ADAM2: variants seen among roughly 807,000 people sequenced by gnomAD.
ADAM2 encodes the protein ADAM metallopeptidase domain 2, also known as disintegrin and metalloproteinase domain-containing protein 2.
In ADAM2, 101 loss-of-function variants were observed where a neutral mutation model predicts 99.3. That is an observed-to-expected ratio of 1.02 (90% CI 0.87 to 1.20). The LOEUF is 1.20. Ranked by LOEUF, ADAM2 falls within the 50% of genes most tolerant of loss-of-function variation. The pLI is 0.00. For synonymous variants in ADAM2, 323 were observed against 287.6 expected (o/e 1.12, Z -1.25); for missense variants, 948 against 878.7 (o/e 1.08, Z -1.00).
At chr8:39,809,360 A>C (rs1239260443) in intron 7 of ADAM2, 50 bp downstream of exon 7, 1 of 766,902 alleles carries the variant, frequency 1.3e-6, no homozygotes, top group Non-Finnish European at 2.2e-6. Flanking sequence ...TATTATTACA[A>C]TCCCTCATTG....
intron 4 of ADAM2, among the ~76,000 whole-genome samples, chr8:39,822,967 C>T (rs1255382607): frequency 6.6e-6 from 1 of 152,060 alleles, no homozygotes; most frequent in Non-Finnish European, 1.5e-5. Flanking sequence ...CGGGGTTTCA[C>T]CATTTTGGTC....
At chr8:39,792,593 G>C (rs1803766465) in intron 7 of ADAM2, among the ~76,000 whole-genome samples, 1 of 152,004 alleles carries the variant, frequency 6.6e-6, no homozygotes, top group Admixed American at 6.6e-5. Flanking sequence ...AAATCAATCA[G>C]ATGTGCTTCT....
Position 39,786,976 on chromosome 8 carries a change from GAAC to G in ADAM2, c.886_888del (p.Val296del), listed in dbSNP as rs766411127. On this transcript the variant is annotated inframe_deletion, in exon 10 of 21. Coordinates refer to ENST00000265708, the MANE Select transcript of ADAM2 (RefSeq NM_001464.5). ...TTCTATACATAACCATACCATACCA[GAAC>G]AACACCTCCTGCATAGTTTGCATCA... is the stretch of plus-strand genomic sequence containing the variant. 3 of 1,586,260 alleles carry G rather than the reference GAAC, an allele frequency of 1.9e-6. No individual in the cohort carries two copies. The highest frequency in any genetic ancestry group is 2.3e-5 in the South Asian group (2 of 85,868).
At chr8:39,745,369 A>T (rs1287524769) in intron 19 of ADAM2, among the ~76,000 whole-genome samples, 1 of 152,176 alleles carries the variant, frequency 6.6e-6, no homozygotes, top group Non-Finnish European at 1.5e-5. Context: ...CAGCAATTTC[A>T]AATCAACTTT....
At position 39,824,766 on chromosome 8, in the gene ADAM2, G is replaced by A. The variant is rs886357087; in HGVS notation, c.267+53C>T. On this transcript the variant is annotated intron_variant, in intron 4 of 20. Transcript: ENST00000265708. ...CTAATAACATGTGGACACTAAATAA[G>A]GTGATCATAGACACTCACATGACAA... The A allele has an allele frequency of 8.7e-6, 8 of 917,180 alleles. No individual in the cohort carries two copies. In the Admixed American group the frequency reaches 1.4e-4, roughly 16 times the overall value. The allele number at this position is 917,180 out of a possible 1,614,324, so 56.8% of individuals were successfully genotyped here.
At chr8:39,814,121 G>T (rs928782133) in intron 6 of ADAM2, among the ~76,000 whole-genome samples, 1 of 152,002 alleles carries the variant, frequency 6.6e-6, no homozygotes, top group Non-Finnish European at 1.5e-5. Flanking sequence ...ACTTTGGGAG[G>T]CCGAGGTGGG....
chr8:39,830,879 C>A (rs1211920960), intron 3 of ADAM2, among the ~76,000 whole-genome samples: 1 of 152,052 alleles, frequency 6.6e-6, no homozygotes, highest in Non-Finnish European at 1.5e-5. Context: ...GGAGGTGATA[C>A]TTTAGAGAGA....
At chr8:39,752,634 G>A (rs1314481878) in intron 16 of ADAM2, among the ~76,000 whole-genome samples, 1 of 152,108 alleles carries the variant, frequency 6.6e-6, no homozygotes. Context: ...CAGACACCTG[G>A]GGCAAAAGAT....
intron 7 of ADAM2, among the ~76,000 whole-genome samples, chr8:39,795,088 A>C (rs1363133456): frequency 6.6e-6 from 1 of 152,164 alleles, no homozygotes. Flanking sequence ...ACACTTTTAA[A>C]GTTTTGCTAA....
chr8:39,836,867 T>G (rs1805845834), intron 2 of ADAM2, among the ~76,000 whole-genome samples: 1 of 152,074 alleles, frequency 6.6e-6, no homozygotes, highest in Non-Finnish European at 1.5e-5. Flanking sequence ...TCTAGAACAA[T>G]CAAGCCAATG....
intron 13 of ADAM2, 33 bp from the exon 14 acceptor site, chr8:39,767,076 G>A (rs770423422): frequency 6.2e-7 from 1 of 1,605,198 alleles, no homozygotes; most frequent in South Asian, 1.1e-5. Flanking sequence ...ATTGAATTAA[G>A]CAGAATGAGA....
Position 39,821,054 on chromosome 8 carries a change from TTA to T in ADAM2, c.459_460del (p.Tyr153Ter), listed in dbSNP as rs1354643995. On this transcript the variant is annotated stop_gained and frameshift_variant, in exon 6 of 21. Transcript: ENST00000265708. LOFTEE classifies it high-confidence loss of function. ...ATCTCTTGATTCAATATCCTTCTCA[TTA>T]TATAAGGAAACATCTGCTTTCTTAT... 1.2e-6 allele frequency: 2 copies of T among 1,604,266 alleles called. No homozygotes were observed. Among genetic ancestry groups the T allele is most frequent in the Non-Finnish European group, 1.7e-6 (2 of 1,172,860 alleles).
At chr8:39,756,671 C>T (rs540844262) in intron 15 of ADAM2, among the ~76,000 whole-genome samples, 1 of 152,264 alleles carries the variant, frequency 6.6e-6, no homozygotes, top group Non-Finnish European at 1.5e-5. Flanking sequence ...TTTCTATGGC[C>T]TGAACTTTTC....
chr8:39,744,632 C>CG (rs1204139614), intron 20 of ADAM2, among the ~76,000 whole-genome samples, 198 bp downstream of exon 20: 4 of 151,926 alleles, frequency 2.6e-5, no homozygotes, highest in Non-Finnish European at 4.4e-5. Context: ...CAGAACCTGT[C>CG]GGGGGTTGGG....
At chr8:39,748,943 C>T (rs1823587325) in intron 18 of ADAM2, among the ~76,000 whole-genome samples, 1 of 152,076 alleles carries the variant, frequency 6.6e-6, no homozygotes, top group Non-Finnish European at 1.5e-5. Context: ...AGTAATACCA[C>T]CTCTTTTTAT....
rs1803557403 is a variant in ADAM2 at position 39,788,203 on chromosome 8, A to G, written c.691T>C (p.Trp231Arg). The G allele has an allele frequency of 6.3e-7, 1 of 1,575,008 alleles. No individual in the cohort carries two copies. Among genetic ancestry groups the G allele is most frequent in the Non-Finnish European group, 8.7e-7 (1 of 1,154,568 alleles). The change falls in exon 9 of 21, where the codon TGG (tryptophan) becomes CGG (arginine). Residue 231 changes from tryptophan (W) to arginine (R), a missense_variant. Coordinates refer to ENST00000265708, the MANE Select transcript of ADAM2 (RefSeq NM_001464.5). ...GTTGCAATTTTATTTTCATCTATCC[A>G]AAGCTCCAATGAAGACAGAATAATT... ...ITIILSSLEL[W>R]IDENKIATTG...
chr8:39,781,080 CTCACTGTAAGTTCCTT>C (rs1476806837), intron 10 of ADAM2, among the ~76,000 whole-genome samples: 1 of 151,130 alleles, frequency 6.6e-6, no homozygotes, highest in Non-Finnish European at 1.5e-5. Context: ...GCCATCTTGG[CTCACTGTAAGTTCCTT>C]TCATACCTTT....
intron 2 of ADAM2, among the ~76,000 whole-genome samples, chr8:39,834,625 T>C (rs895342932): frequency 2.8e-5 from 4 of 145,022 alleles, no homozygotes; most frequent in Admixed American, 7.3e-5. Context: ...TCCCAGATAC[T>C]GGGGAGGCCG....
rs377570080 is a variant in ADAM2, at chr8:39,821,654, G to A, written c.276C>T (p.Cys92=). The change falls in exon 5 of 21, where the codon TGC becomes TGT. Residue 92 remains cysteine, a synonymous_variant. Transcript: ENST00000265708. ...AACCTTCAATATACCCTTGGTAGTG[G>A]CAGAAATTCTGAAAGATAAAATACA... ...KPLDQDFQNF[C]HYQGYIEGYP... is the part of the protein sequence containing the mutation. The A allele has an allele frequency of 1.2e-6, 2 of 1,600,710 alleles. No homozygotes were observed. The highest frequency in any genetic ancestry group is 8.6e-7 in the Non-Finnish European group (1 of 1,168,806).
Sources: gnomAD v4.1 joint callset for allele counts (sites outside exome capture counted in the v4.1 genomes callset) on GRCh38, gnomAD v4.1.1 for gene constraint, MANE v1.5 for transcripts, NCBI Gene and HGNC (gene_info 2026-07-23, HGNC 2026-07-21) for gene names.